The following C5 variants were observed in gnomAD, a reference collection of about 807,000 sequenced individuals.
C5 encodes complement C5.
C5 carries 140 observed loss-of-function variants against 218.8 expected under a neutral mutation model. The ratio of observed to expected loss-of-function variants is 0.64; its 90% CI spans 0.56 to 0.74. The LOEUF is 0.74. C5 is among the 30% of genes least tolerant of loss of function. The probability of loss-of-function intolerance (pLI) is 0.00; values close to 1 mark genes in which losing one functional copy is unlikely to be tolerated. For synonymous variants in C5, 614 were observed against 682.3 expected, an observed-to-expected ratio of 0.90 and a Z score of 1.56; for missense variants, 1,700 against 1,969.6, an observed-to-expected ratio of 0.86 and a Z score of 2.59.
intron 2 of C5, among the ~76,000 whole-genome samples, chr9:121,045,036 G>A (rs1170703029): frequency 6.8e-6 from 1 of 147,256 alleles, no homozygotes; most frequent in Non-Finnish European, 1.5e-5. Flanking sequence ...TGCAACCTCC[G>A]CCTTCTGGGT....
In C5 at chr9:120,980,197, C is replaced by A. The variant is rs760314991; in HGVS notation, c.3544G>T (p.Ala1182Ser). 1 of 1,614,122 alleles carries A rather than the reference C, an allele frequency of 6.2e-7. No individual in the cohort carries two copies. Among genetic ancestry groups the A allele is most frequent in the South Asian group, 1.1e-5 (1 of 91,066 alleles). Residue 1182 changes from alanine (A) to serine (S), a missense_variant, in exon 28 of 41, where the codon GCC becomes TCC. Physicochemically the swap from Ala to Ser is moderately conservative, Grantham distance 99. Coordinates refer to ENST00000223642, the MANE Select transcript of C5 (RefSeq NM_001735.3). Reference protein sequence around the residue: ...DNFLLENTLPAQSTFTLAISA... With the variant: ...DNFLLENTLPSQSTFTLAISA... ...ATGGCCAATGTAAAGGTGCTCTGGG[C>A]TGGCAGTGTATTTTCAAGCAGAAAG...
intron 19 of C5, 60 bp downstream of exon 19, chr9:121,006,844 G>T (rs2047219674): frequency 3.5e-6 from 4 of 1,153,932 alleles, no homozygotes; most frequent in Non-Finnish European, 5.3e-6. Context: ...TACTAACAAA[G>T]AATTACATCT....
Position 121,050,197 on chromosome 9 carries a change from C to T in C5, c.50G>A (p.Trp17Ter). 1 of 1,613,750 alleles carries T rather than the reference C, an allele frequency of 6.2e-7. No individual in the cohort carries two copies. The highest frequency in any genetic ancestry group is 8.5e-7 in the Non-Finnish European group (1 of 1,179,694). ...LCFLIFLGKT[W>*]GQEQTYVISA... ...TTTTACTTACGTTTGCTCCTGTCCCCAGGTTTTCCCCAGGAAGATTAAAAA... is the reference window on the plus strand; with the variant it reads ...TTTTACTTACGTTTGCTCCTGTCCCTAGGTTTTCCCCAGGAAGATTAAAAA... The change falls in exon 1 of 41, where the codon TGG (tryptophan) becomes TAG (stop). Residue 17 changes from tryptophan (W) to a stop codon, truncating the protein, a stop_gained. Transcript: ENST00000223642. LOFTEE classifies it high-confidence loss of function.
At chr9:120,963,780 A>G (rs759501875) in intron 33 of C5, 42 bp from the exon 34 acceptor site, 2 of 1,429,902 alleles carry the variant, frequency 1.4e-6, no homozygotes, top group African/African-American at 1.4e-5. Flanking sequence ...AAATAAGTGA[A>G]TAAGAGTCTT....
chr9:120,999,246 C>A (rs1043059670), intron 20 of C5, among the ~76,000 whole-genome samples: 14 of 152,040 alleles, frequency 9.2e-5, no homozygotes, highest in African/African-American at 3.4e-4. Context: ...AAACTCTAGA[C>A]AAGATACATA....
At position 120,988,951 on chromosome 9, in the gene C5, C is replaced by T. The variant is rs552078893; in HGVS notation, c.3230+95G>A. On this transcript the variant is annotated intron_variant, in intron 25 of 40. Transcript: ENST00000223642. ...GAGTGAAGGATGACGAGGCTTTTAG[C>T]CTGAGCAACTGGAGGAATGGAGTTT... 212 of 911,866 alleles carry T rather than the reference C, an allele frequency of 2.3e-4. 2 individuals carry two copies. In the South Asian group the frequency reaches 2.6e-3, roughly 11 times the overall value. The allele number at this position is 911,866 out of a possible 1,614,324, so 56.5% of individuals were successfully genotyped here. A position where few individuals can be genotyped will look rare whatever the true frequency, so the allele number is the denominator to read the frequency against.
intron 18 of C5, 126 bp downstream of exon 18, chr9:121,008,282 G>C: frequency 1.4e-6 from 1 of 729,366 alleles, no homozygotes; most frequent in Admixed American, 2.4e-5. Context: ...AACAAAATTT[G>C]ATCAAATTGC....
Position 121,021,574 on chromosome 9 carries a change from C to T in C5, c.1237G>A (p.Val413Ile), listed in dbSNP as rs1416911762. Residue 413 changes from valine to isoleucine, a missense_variant, in exon 11 of 41, where the codon GTT becomes ATT. By Grantham distance (29) the Val-to-Ile change is conservative. Transcript: ENST00000223642. ...DLDPSKSVTR[V>I]DDGVASFVLN... is the part of the protein sequence containing the mutation. ...ACAAAGGAAGCTACTCCATCATCAA[C>T]ACGTGTTACACTTTTGCTTGGATCC... The T allele has an allele frequency of 2.5e-6, 4 of 1,613,948 alleles. No homozygotes were observed. Among genetic ancestry groups the T allele is most frequent in the Admixed American group, 3.3e-5 (2 of 60,004 alleles).
At chr9:121,050,160 G>T in intron 1 of C5, 22 bp downstream of exon 1, 1 of 1,578,152 alleles carries the variant, frequency 6.3e-7, no homozygotes, top group South Asian at 1.1e-5. Flanking sequence ...ATTGAAAAAT[G>T]AAGATAGCTT....
the C5 span, among the ~76,000 whole-genome samples, chr9:121,072,698 C>T: frequency 1.3e-5 from 2 of 150,824 alleles, no homozygotes; most frequent in East Asian, 1.9e-4. Flanking sequence ...CCCAACTCCT[C>T]GGGAGGCTGA....
At chr9:120,981,384 T>C (rs977100150) in intron 27 of C5, among the ~76,000 whole-genome samples, 2 of 152,206 alleles carry the variant, frequency 1.3e-5, no homozygotes, top group Non-Finnish European at 2.9e-5. Context: ...TCCAAGCAAA[T>C]GTTGTTTGGA....
At chr9:120,991,407 T>G (rs2047076530) in intron 22 of C5, 127 bp from the exon 23 acceptor site, 2 of 657,370 alleles carry the variant, frequency 3.0e-6, no homozygotes, top group Non-Finnish European at 5.4e-6. Flanking sequence ...TATTAAAATT[T>G]TAAAAGAAAG....
chr9:121,040,952 C>CT (rs35536237), intron 3 of C5, among the ~76,000 whole-genome samples: 336 of 129,222 alleles, frequency 2.6e-3, no homozygotes, highest in East Asian at 0.017. Flanking sequence ...TTTTTTTTCT[C>CT]TTTTTTTTTT....
At chr9:121,004,094 C>G (rs1425684800) in intron 20 of C5, among the ~76,000 whole-genome samples, 1 of 152,076 alleles carries the variant, frequency 6.6e-6, no homozygotes, top group Non-Finnish European at 1.5e-5. Context: ...TGGTGTCGAT[C>G]GCCTGACCTC....
intron 3 of C5, among the ~76,000 whole-genome samples, chr9:121,040,895 C>T (rs1404905856): frequency 6.6e-6 from 1 of 151,900 alleles, no homozygotes; most frequent in Non-Finnish European, 1.5e-5. Context: ...AAACTTCTCT[C>T]ATTTTACTCT....
chr9:120,953,986 C>T (rs1031377855), intron 39 of C5, 118 bp from the exon 40 acceptor site: 21 of 1,010,488 alleles, frequency 2.1e-5, no homozygotes, highest in East Asian at 7.2e-5. Context: ...AGTGGACAGC[C>T]GTGATATCCA....
In C5 at chr9:120,960,244, T is replaced by A. The variant is rs2046816878; in HGVS notation, c.4678+4A>T. The A allele has an allele frequency of 6.3e-7, 1 of 1,595,984 alleles. No homozygotes were observed. The highest frequency in any genetic ancestry group is 8.6e-7 in the Non-Finnish European group (1 of 1,164,018). ...AAGGAGCTATATTGAACTTTTGAAC[T>A]CACCATATGCAATCTCTGGTTTACA... On this transcript the variant is annotated splice_donor_region_variant and intron_variant, in intron 38 of 40. Coordinates refer to ENST00000223642, the MANE Select transcript of C5 (RefSeq NM_001735.3).
the C5 span, among the ~76,000 whole-genome samples, chr9:121,073,205 A>G: frequency 6.6e-6 from 1 of 152,154 alleles, no homozygotes; most frequent in African/African-American, 2.4e-5. Flanking sequence ...ATACTGAACT[A>G]CTTCATGTTT....
intron 25 of C5, among the ~76,000 whole-genome samples, chr9:120,987,559 AC>A (rs777767787): frequency 6.9e-5 from 10 of 145,354 alleles, no homozygotes; most frequent in Non-Finnish European, 1.1e-4. Flanking sequence ...AATCGCTTGA[AC>A]CCGGGAGGCG....
Sources: gnomAD v4.1 joint callset for allele counts (sites outside exome capture counted in the v4.1 genomes callset) on GRCh38, gnomAD v4.1.1 for gene constraint, MANE v1.5 for transcripts, NCBI Gene and HGNC (gene_info 2026-07-23, HGNC 2026-07-21) for gene names.